HIC1: variants seen among roughly 807,000 people sequenced by gnomAD.
HIC1 encodes hypermethylated in cancer 1 protein.
In HIC1, 9 loss-of-function variants were observed where a neutral mutation model predicts 26.4. The ratio of observed to expected loss-of-function variants is 0.34; its 90% confidence interval spans 0.21 to 0.59. The LOEUF (loss-of-function observed/expected upper bound fraction) is 0.59, where lower values mean the gene tolerates loss of function less well. Ranked by LOEUF, HIC1 falls within the 20% of genes least tolerant of loss-of-function variation. HIC1 has a pLI of 0.82. For missense variants in HIC1, 965 were observed against 1,075.7 expected, an observed-to-expected ratio of 0.90 and a Z score of 1.44; for synonymous variants, 631 against 523.1, an observed-to-expected ratio of 1.21 and a Z score of -2.81.
At chr17:2,056,494 C>G in intron 1 of HIC1, 177 bp from the exon 2 acceptor site, 1 of 1,332,796 alleles carries the variant, frequency 7.5e-7, no homozygotes, top group Non-Finnish European at 1.1e-6. Flanking sequence ...CTGGTCCGGG[C>G]GGGCCGGCCT....
In HIC1 at chr17:2,061,575, G is replaced by A. The variant is rs1249493772; in HGVS notation, c.*2740G>A. The A allele has an allele frequency of 6.4e-7, 1 of 1,572,650 alleles. No homozygotes were observed. The highest frequency in any genetic ancestry group is 1.2e-5 in the South Asian group (1 of 85,838). The stretch of plus-strand genomic sequence containing the variant: ...GTGAGCGCCTTCACACGCAGGTTCC[G>A]GTCATCCGTCAACAGCACCACCTCC... On this transcript the variant is annotated 3_prime_UTR_variant, in exon 2 of 2. Transcript: ENST00000619757.
rs1318583081 is a variant in HIC1 at position 2,056,986 on chromosome 17, T to G, written c.296T>G (p.Val99Gly). 1 of 1,564,708 alleles carries G rather than the reference T, an allele frequency of 6.4e-7. No individual in the cohort carries two copies. Among genetic ancestry groups the G allele is most frequent in the South Asian group, 1.2e-5 (1 of 85,742 alleles). The change falls in exon 2 of 2, where the codon GTG (valine) becomes GGG (glycine). Residue 99 changes from valine (V) to glycine (G), a missense_variant. By Grantham distance (109) the Val-to-Gly change is moderately radical. Coordinates refer to ENST00000619757, the MANE Select transcript of HIC1 (RefSeq NM_006497.4). ...GCAGAGGCGGCTGCGGCCGCGGCCG[T>G]GGCCCCGGGGGCTGAGCCGAGCCTG... ...DGAEAAAAAA[V>G]APGAEPSLGA...
Position 2,061,712 on chromosome 17 carries a change from G to A in HIC1, c.*2877G>A. The A allele has an allele frequency of 7.0e-7, 1 of 1,419,718 alleles. No homozygotes were observed. Among genetic ancestry groups the A allele is most frequent in the Non-Finnish European group, 9.6e-7 (1 of 1,043,530 alleles). The allele number at this position is 1,419,718 out of a possible 1,614,324, so 87.9% of individuals were successfully genotyped here. A position where few individuals can be genotyped will look rare whatever the true frequency, so the allele number is the denominator to read the frequency against. On this transcript the variant is annotated 3_prime_UTR_variant, in exon 2 of 2. Coordinates refer to ENST00000619757, the MANE Select transcript of HIC1 (RefSeq NM_006497.4). Reference sequence around the variant, plus strand: ...TCACCCTGGAGAATGTGGTCCTGGGGAGGGGGTGCCACGCTAGCCGTGTCT... The same window carrying A: ...TCACCCTGGAGAATGTGGTCCTGGGAAGGGGGTGCCACGCTAGCCGTGTCT...
Position 2,061,772 on chromosome 17 carries a change from T to A in HIC1, c.*2937T>A. On this transcript the variant is annotated 3_prime_UTR_variant, in exon 2 of 2. Coordinates refer to ENST00000619757, the MANE Select transcript of HIC1 (RefSeq NM_006497.4). ...TACCAGTCCTTTCCTCCGTCCGGGC[T>A]CTCAGCCCCGGGGACCCTCCCCTGC... 1.1e-6 allele frequency: 1 copy of A among 917,332 alleles called. No individual in the cohort carries two copies. Among genetic ancestry groups the A allele is most frequent in the Non-Finnish European group, 1.6e-6 (1 of 616,690 alleles). 56.8% of individuals were successfully genotyped at this position (917,332 alleles called of 1,614,324 possible). A position where few individuals can be genotyped will look rare whatever the true frequency, so the allele number is the denominator to read the frequency against.
Position 2,058,874 on chromosome 17 carries a change from C to T in HIC1, c.*39C>T. The T allele has an allele frequency of 1.5e-6, 2 of 1,377,840 alleles. No homozygotes were observed. The highest frequency in any genetic ancestry group is 3.9e-5 in the Admixed American group (1 of 25,626). 85.4% of individuals were successfully genotyped at this position (1,377,840 alleles called of 1,614,324 possible). A position where few individuals can be genotyped will look rare whatever the true frequency, so the allele number is the denominator to read the frequency against. On this transcript the variant is annotated 3_prime_UTR_variant, in exon 2 of 2. Coordinates refer to ENST00000619757, the MANE Select transcript of HIC1 (RefSeq NM_006497.4). Reference sequence around the variant, plus strand: ...AGCCCGCTCTGTCGCTGCTGCGCGGCCCTGGCCCGCACCCCAGGGAGCGGC... The same window carrying T: ...AGCCCGCTCTGTCGCTGCTGCGCGGTCCTGGCCCGCACCCCAGGGAGCGGC...
At position 2,056,482 on chromosome 17, in the gene HIC1, T is replaced by C. The variant is rs1057461247; in HGVS notation, c.-20-189T>C. Reference sequence around the variant, plus strand: ...GCGGCCGCTCACCTCCTGCTCCTTCTCCTGGTCCGGGCGGGCCGGCCTGGG... The same window carrying C: ...GCGGCCGCTCACCTCCTGCTCCTTCCCCTGGTCCGGGCGGGCCGGCCTGGG... On this transcript the variant is annotated intron_variant, in intron 1 of 1. Transcript: ENST00000619757. 1.3e-4 allele frequency: 178 copies of C among 1,340,224 alleles called. 2 individuals are homozygous for C. In the Middle Eastern group the frequency reaches 2.3e-3, roughly 17 times the overall value. 83.0% of individuals were successfully genotyped at this position (1,340,224 alleles called of 1,614,324 possible).
In HIC1 at chr17:2,058,281, A is replaced by G; in HGVS notation, c.1591A>G (p.Met531Val). The G allele has an allele frequency of 6.2e-7, 1 of 1,609,826 alleles. No homozygotes were observed. The change falls in exon 2 of 2, where the codon ATG becomes GTG. Residue 531 changes from methionine (M) to valine (V), a missense_variant. By Grantham distance (21) the Met-to-Val change is conservative. Coordinates refer to ENST00000619757, the MANE Select transcript of HIC1 (RefSeq NM_006497.4). ...GAAGAAGTTCACGCAGCGTGGGACC[A>G]TGACGCGCCACATGCGCAGCCACCT... is the stretch of plus-strand genomic sequence containing the variant. ...CGKKFTQRGTMTRHMRSHLGL... is the reference protein window; with the variant it reads ...CGKKFTQRGTVTRHMRSHLGL...
At position 2,057,920 on chromosome 17, in the gene HIC1, C is replaced by G. The variant is rs115113418; in HGVS notation, c.1230C>G (p.Pro410=). 22 of 1,608,934 alleles carry G rather than the reference C, an allele frequency of 1.4e-5. No individual in the cohort carries two copies. The Admixed American group carries it at 3.5e-4, about 26-fold the overall frequency. Residue 410 remains proline, a synonymous_variant, in exon 2 of 2, where the codon CCC becomes CCG. Transcript: ENST00000619757. The part of the protein sequence containing the change: ...YPCPHLAYGE[P]ESFGDNLYVC... ...GCCCGCACCTGGCCTATGGCGAGCC[C>G]GAGAGCTTCGGTGACAACCTGTACG...
chr17:2,057,857 C>A lies in HIC1; in HGVS notation c.1167C>A (p.Asp389Glu). The A allele has an allele frequency of 1.3e-6, 2 of 1,590,362 alleles. No homozygotes were observed. Among genetic ancestry groups the A allele is most frequent in the Non-Finnish European group, 1.7e-6 (2 of 1,169,600 alleles). Residue 389 changes from aspartate (D) to glutamate (E), a missense_variant, in exon 2 of 2, where the codon GAC (aspartate) becomes GAA (glutamate). This residue lies in a region of HIC1 where 526 missense variants were observed against 525.0 expected (regional missense o/e 1.00). Coordinates refer to ENST00000619757, the MANE Select transcript of HIC1 (RefSeq NM_006497.4). ...SSSEETGSSE[D>E]PSPPGGHLEG... Reference sequence around the variant, plus strand: ...GCGAGGAGACCGGTAGCAGCGAGGACCCCAGCCCGCCTGGCGGCCACCTCG... The same window carrying A: ...GCGAGGAGACCGGTAGCAGCGAGGAACCCAGCCCGCCTGGCGGCCACCTCG...
At position 2,057,907 on chromosome 17, in the gene HIC1, C is replaced by T. The variant is rs1470233457; in HGVS notation, c.1217C>T (p.Ala406Val). The change falls in exon 2 of 2, where the codon GCC becomes GTC. Residue 406 changes from alanine (A) to valine (V), a missense_variant. Ala to Val is a moderately conservative substitution (Grantham distance 64, BLOSUM62 0). This residue lies in a region of HIC1 where 526 missense variants were observed against 525.0 expected (regional missense o/e 1.00). Coordinates refer to ENST00000619757, the MANE Select transcript of HIC1 (RefSeq NM_006497.4). ...HLEGYPCPHL[A>V]YGEPESFGDN... ...GAGGGCTACCCATGCCCGCACCTGG[C>T]CTATGGCGAGCCCGAGAGCTTCGGT... 2 of 1,607,040 alleles carry T rather than the reference C, an allele frequency of 1.2e-6. No homozygotes were observed. The highest frequency in any genetic ancestry group is 2.7e-5 in the African/African-American group (2 of 74,856).
chr17:2,060,070 C>CA lies in HIC1; in HGVS notation c.*1236dup, dbSNP rs1358765600. 9 of 152,848 alleles carry CA rather than the reference C, an allele frequency of 5.9e-5. No homozygotes were observed. The highest frequency in any genetic ancestry group is 1.2e-4 in the Non-Finnish European group (8 of 68,552). 9.5% of individuals were successfully genotyped at this position (152,848 alleles called of 1,614,324 possible). On this transcript the variant is annotated 3_prime_UTR_variant, in exon 2 of 2. Transcript: ENST00000619757. ...GCCTTGGCTCCCCTACACGGTACCCCATCGCTTCTGGCATAGTCCTGGGCC... is the reference window on the plus strand; with the variant it reads ...GCCTTGGCTCCCCTACACGGTACCCCAATCGCTTCTGGCATAGTCCTGGGCC...
chr17:2,058,875 C>T lies in HIC1; in HGVS notation c.*40C>T. 1 of 1,376,950 alleles carries T rather than the reference C, an allele frequency of 7.3e-7. No individual in the cohort carries two copies. The highest frequency in any genetic ancestry group is 3.9e-5 in the Admixed American group (1 of 25,634). The allele number at this position is 1,376,950 out of a possible 1,614,324, so 85.3% of individuals were successfully genotyped here. On this transcript the variant is annotated 3_prime_UTR_variant, in exon 2 of 2. Coordinates refer to ENST00000619757, the MANE Select transcript of HIC1 (RefSeq NM_006497.4). ...GCCCGCTCTGTCGCTGCTGCGCGGCCCTGGCCCGCACCCCAGGGAGCGGCG... is the reference window on the plus strand; with the variant it reads ...GCCCGCTCTGTCGCTGCTGCGCGGCTCTGGCCCGCACCCCAGGGAGCGGCG...
chr17:2,061,770 G>T lies in HIC1; in HGVS notation c.*2935G>T. On this transcript the variant is annotated 3_prime_UTR_variant, in exon 2 of 2. Transcript: ENST00000619757. ...TCTACCAGTCCTTTCCTCCGTCCGG[G>T]CTCTCAGCCCCGGGGACCCTCCCCT... 1.1e-6 allele frequency: 1 copy of T among 931,432 alleles called. No homozygotes were observed. The highest frequency in any genetic ancestry group is 2.7e-5 in the East Asian group (1 of 36,704). The allele number at this position is 931,432 out of a possible 1,614,324, so 57.7% of individuals were successfully genotyped here. A position where few individuals can be genotyped will look rare whatever the true frequency, so the allele number is the denominator to read the frequency against.
At position 2,061,818 on chromosome 17, in the gene HIC1, TG is replaced by T. The variant is rs2067789704; in HGVS notation, c.*2986del. On this transcript the variant is annotated 3_prime_UTR_variant, in exon 2 of 2. Transcript: ENST00000619757. ...CCTGCTGGCCTAGAGAGGGCTGCACTGGGCTTCTGCCTTGACTCCGGCCTCC... is the reference window on the plus strand; with the variant it reads ...CCTGCTGGCCTAGAGAGGGCTGCACTGGCTTCTGCCTTGACTCCGGCCTCC... 3.4e-6 allele frequency: 2 copies of T among 592,068 alleles called. No individual in the cohort carries two copies. The highest frequency in any genetic ancestry group is 5.9e-6 in the Non-Finnish European group (2 of 339,468). The allele number at this position is 592,068 out of a possible 1,614,324, so 36.7% of individuals were successfully genotyped here.
intron 1 of HIC1, chr17:2,056,101 C>T (rs2067669628): frequency 3.8e-6 from 1 of 260,990 alleles, no homozygotes. Flanking sequence ...GCTCTGCCCG[C>T]CACGGCAGCC....
chr17:2,055,638 C>T lies in HIC1; in HGVS notation c.-21+400C>T, dbSNP rs1440720723. ...CGCCGGGACCGCAGGTAACGGGCCG[C>T]GGGGCCCCGCGGGCCAGGAGGGGAA... On this transcript the variant is annotated intron_variant, in intron 1 of 1. Transcript: ENST00000619757. The surrounding 1 kb of genome is among the most constrained non-coding windows in gnomAD (Gnocchi z 6.4). 6.8e-6 allele frequency among the ~76,000 whole-genome samples: 1 copy of T among 146,218 alleles called. No individual in the cohort carries two copies. Among genetic ancestry groups the T allele is most frequent in the Non-Finnish European group, 1.5e-5 (1 of 66,170 alleles).
rs2067662344 is a variant in HIC1 at position 2,055,418 on chromosome 17, C to G, written c.-21+180C>G. Among the ~76,000 whole-genome samples, 1 of 144,322 alleles carries G rather than the reference C, an allele frequency of 6.9e-6. No homozygotes were observed. Among genetic ancestry groups the G allele is most frequent in the Admixed American group, 6.9e-5 (1 of 14,518 alleles). 94.7% of individuals were successfully genotyped at this position (144,322 alleles called of 152,430 possible). A position where few individuals can be genotyped will look rare whatever the true frequency, so the allele number is the denominator to read the frequency against. On this transcript the variant is annotated intron_variant, in intron 1 of 1. Transcript: ENST00000619757. The surrounding 1 kb of genome is among the most constrained non-coding windows in gnomAD (Gnocchi z 6.4). Reference sequence around the variant, plus strand: ...GGACCACCGGGCCGCGGCTCCGCGCCGGGTTCACGGCGGGGTCAGCGGCCC... The same window carrying G: ...GGACCACCGGGCCGCGGCTCCGCGCGGGGTTCACGGCGGGGTCAGCGGCCC...
chr17:2,058,294 T>C lies in HIC1; in HGVS notation c.1604T>C (p.Met535Thr). The C allele has an allele frequency of 6.2e-7, 1 of 1,609,854 alleles. No individual in the cohort carries two copies. The highest frequency in any genetic ancestry group is 8.5e-7 in the Non-Finnish European group (1 of 1,178,752). Residue 535 changes from methionine to threonine, a missense_variant, in exon 2 of 2, where the codon ATG becomes ACG. Coordinates refer to ENST00000619757, the MANE Select transcript of HIC1 (RefSeq NM_006497.4). ...CAGCGTGGGACCATGACGCGCCACA[T>C]GCGCAGCCACCTGGGCCTCAAGCCC... ...FTQRGTMTRH[M>T]RSHLGLKPFA... is the part of the protein sequence containing the mutation.
rs879672672 is a variant in HIC1, at chr17:2,060,333, C to T, written c.*1498C>T. 2.6e-5 allele frequency: 4 copies of T among 152,278 alleles called. No individual in the cohort carries two copies. Among genetic ancestry groups the T allele is most frequent in the African/African-American group, 4.8e-5 (2 of 41,466 alleles). The allele number at this position is 152,278 out of a possible 1,614,324, so 9.4% of individuals were successfully genotyped here. A position where few individuals can be genotyped will look rare whatever the true frequency, so the allele number is the denominator to read the frequency against. ...AAGGAAAGGGCCCCTGTGTCAGTGTCAGTTTTTCCGGGGAGTGAGGGCAAA... is the reference window on the plus strand; with the variant it reads ...AAGGAAAGGGCCCCTGTGTCAGTGTTAGTTTTTCCGGGGAGTGAGGGCAAA... On this transcript the variant is annotated 3_prime_UTR_variant, in exon 2 of 2. Transcript: ENST00000619757.
Sources: allele counts gnomAD v4.1 joint callset (sites outside exome capture counted in the v4.1 genomes callset), GRCh38; gene constraint gnomAD v4.1.1; regional missense constraint gnomAD v4.1.1; non-coding constraint Gnocchi (gnomAD v3.1); transcripts MANE v1.5; gene names NCBI Gene and HGNC (gene_info 2026-07-23, HGNC 2026-07-21).